RAD51B: variants seen among roughly 807,000 people sequenced by gnomAD.
The protein encoded by RAD51B is RAD51 paralog B.
Under a neutral mutation model 42.2 loss-of-function variants are expected in RAD51B, and 38 were observed. The ratio of observed to expected loss-of-function variants is 0.90; its 90% CI spans 0.70 to 1.18. The LOEUF (loss-of-function observed/expected upper bound fraction) is 1.18. Among genes scored for constraint, RAD51B ranks in the 50% most tolerant of loss-of-function variants. The pLI is 0.00. For synonymous variants in RAD51B, 154 were observed against 145.2 expected (o/e 1.06, Z -0.43); for missense variants, 373 against 400.7 (o/e 0.93, Z 0.59).
At chr14:68,387,051 G>A (rs1489251085) in intron 8 of RAD51B, 1 of 152,186 alleles carries the variant, frequency 6.6e-6, no homozygotes, top group Non-Finnish European at 1.5e-5. Context: ...TTGTATCAGG[G>A]ATGGTTGTTG....
Position 68,098,784 on chromosome 14 carries a change from TAA to T in RAD51B, c.757-193098_757-193097del, listed in dbSNP as rs2077240171. Among the ~76,000 whole-genome samples the T allele has an allele frequency of 2.0e-5, 3 of 151,888 alleles. No homozygotes were observed. In the South Asian group the frequency reaches 6.3e-4, roughly 32 times the overall value. On this transcript the variant is annotated intron_variant, in intron 7 of 10. Coordinates refer to ENST00000471583, the MANE Select transcript of RAD51B (RefSeq NM_133510.4). ...CCATATCACAGTGTTAGGAAGAAAA[TAA>T]AGAGGGATAAGGAAATTCTAGAGCA...
At chr14:68,024,675 A>G (rs954576873) in intron 7 of RAD51B, among the ~76,000 whole-genome samples, 6 of 152,056 alleles carry the variant, frequency 3.9e-5, no homozygotes, top group Non-Finnish European at 8.8e-5. Flanking sequence ...ACTGATTTTT[A>G]TACATTGATT....
intron 9 of RAD51B, among the ~76,000 whole-genome samples, chr14:68,430,943 G>A (rs1286245170): frequency 4.6e-5 from 7 of 152,110 alleles, no homozygotes; most frequent in Admixed American, 4.6e-4. Flanking sequence ...CTAATTTATT[G>A]AGAGTTTTTA....
At chr14:68,595,728 T>A in exon 11 of RAD51B, 1 of 694,992 alleles carries the variant, frequency 1.4e-6, no homozygotes, top group Non-Finnish European at 1.9e-6. Flanking sequence ...AGATGGTCAT[T>A]AAAATTATGT....
chr14:68,032,425 A>C (rs1185225780), intron 7 of RAD51B, among the ~76,000 whole-genome samples: 2 of 152,002 alleles, frequency 1.3e-5, no homozygotes, highest in Non-Finnish European at 1.5e-5. Context: ...TTTTATTTTT[A>C]ATCTTATTTC....
At chr14:68,366,032 T>A (rs905068284) in intron 8 of RAD51B, among the ~76,000 whole-genome samples, 1 of 152,256 alleles carries the variant, frequency 6.6e-6, no homozygotes, top group Non-Finnish European at 1.5e-5. Context: ...CGCTTTTTGA[T>A]AAATTAAAAA....
intron 8 of RAD51B, among the ~76,000 whole-genome samples, chr14:68,351,272 A>G (rs1205035464): frequency 6.6e-6 from 1 of 152,240 alleles, no homozygotes; most frequent in East Asian, 1.9e-4. Context: ...GACTAAGGGA[A>G]CAGCATGAAC....
intron 7 of RAD51B, among the ~76,000 whole-genome samples, chr14:68,103,477 A>G (rs1463031412): frequency 3.9e-5 from 6 of 152,338 alleles, no homozygotes; most frequent in Middle Eastern, 3.4e-3. Context: ...AAGGTGAGGA[A>G]CAAAACCAAA....
intron 10 of RAD51B, among the ~76,000 whole-genome samples, chr14:68,579,296 G>A (rs1890106624): frequency 6.6e-6 from 1 of 152,164 alleles, no homozygotes; most frequent in Non-Finnish European, 1.5e-5. Flanking sequence ...TGGAGATCCA[G>A]AGGAGGGACT....
chr14:67,916,461 C>T lies in RAD51B; in HGVS notation c.756+29257C>T, dbSNP rs539291350. Among the ~76,000 whole-genome samples the T allele has an allele frequency of 6.4e-4, 98 of 152,014 alleles. No individual in the cohort carries two copies. In the Middle Eastern group the frequency reaches 0.031, roughly 47 times the overall value. On this transcript the variant is annotated intron_variant, in intron 7 of 10. Coordinates refer to ENST00000471583, the MANE Select transcript of RAD51B (RefSeq NM_133510.4). ...TTCGCCATGTTGCCCAGGCTGGTCT[C>T]GAACTCCTGGCCTCAAGTGATCCTC...
intron 10 of RAD51B, among the ~76,000 whole-genome samples, chr14:68,569,221 C>G (rs1319902904): frequency 6.6e-6 from 1 of 152,206 alleles, no homozygotes; most frequent in Non-Finnish European, 1.5e-5. Context: ...GGGCCAGAGC[C>G]CTGACCTCTG....
intron 7 of RAD51B, among the ~76,000 whole-genome samples, chr14:68,246,929 C>A (rs1276608649): frequency 6.6e-6 from 1 of 152,120 alleles, no homozygotes; most frequent in Non-Finnish European, 1.5e-5. Context: ...TGATAAAGGA[C>A]ACAAACACAC....
intron 5 of RAD51B, among the ~76,000 whole-genome samples, chr14:67,872,383 G>C (rs1251500659): frequency 1.8e-5 from 2 of 111,342 alleles, no homozygotes; most frequent in African/African-American, 7.1e-5. Flanking sequence ...ACTTACAAGG[G>C]ATGTGAAGGA....
At chr14:68,209,679 G>A (rs372865189) in intron 7 of RAD51B, among the ~76,000 whole-genome samples, 1 of 152,124 alleles carries the variant, frequency 6.6e-6, no homozygotes, top group Non-Finnish European at 1.5e-5. Flanking sequence ...CCCACTTAGG[G>A]ATCTCCTGCC....
At position 68,036,092 on chromosome 14, in the gene RAD51B, C is replaced by T. The variant is rs552580739; in HGVS notation, c.756+148888C>T. ...TGACCACCACTGGTCTTCCAGAAAT[C>T]GCTAAAATCTCTCCTGCCTATGTCA... On this transcript the variant is annotated intron_variant, in intron 7 of 10. Coordinates refer to ENST00000471583, the MANE Select transcript of RAD51B (RefSeq NM_133510.4). Among the ~76,000 whole-genome samples the T allele has an allele frequency of 2.0e-5, 3 of 152,326 alleles. No homozygotes were observed. The East Asian group carries it at 5.8e-4, about 29-fold the overall frequency.
intron 2 of RAD51B, 35 bp from the exon 3 acceptor site, chr14:67,825,429 T>C (rs202192855): frequency 4.5e-4 from 651 of 1,457,322 alleles, no homozygotes; most frequent in Non-Finnish European, 5.0e-4. Context: ...TTGTTACACA[T>C]ATATGTTTAA....
chr14:68,031,666 T>A (rs28652829), intron 7 of RAD51B, among the ~76,000 whole-genome samples: 46,376 of 150,082 alleles, frequency 0.31, 9,696 homozygotes, highest in African/African-American at 0.6. Flanking sequence ...CTGGTGTCTT[T>A]AAAAAAAAAA....
At chr14:67,930,917 C>CTT (rs548979995) in intron 7 of RAD51B, among the ~76,000 whole-genome samples, 8,245 of 140,434 alleles carry the variant, frequency 0.059, 583 homozygotes, top group African/African-American at 0.17. Flanking sequence ...TGGGTTATTT[C>CTT]TTTTTTTTTT....
At chr14:68,578,593 T>G (rs1443321555) in intron 10 of RAD51B, among the ~76,000 whole-genome samples, 1 of 152,210 alleles carries the variant, frequency 6.6e-6, no homozygotes, top group Non-Finnish European at 1.5e-5. Context: ...AGGTCCTGAA[T>G]GTCTTTGGAT....
Sources: gnomAD v4.1 joint callset for allele counts (sites outside exome capture counted in the v4.1 genomes callset) on GRCh38, gnomAD v4.1.1 for gene constraint, MANE v1.5 for transcripts, NCBI Gene and HGNC (gene_info 2026-07-23, HGNC 2026-07-21) for gene names.